Variants in LARGE1 observed in about 807,000 individuals in gnomAD.
LARGE1 encodes LARGE xylosyl- and glucuronyltransferase 1, also known as xylosyl- and glucuronyltransferase LARGE1.
In LARGE1, 43 loss-of-function variants were observed where a neutral mutation model predicts 87.6. That is an observed-to-expected ratio of 0.49 (90% confidence interval 0.38 to 0.63). LARGE1 has a LOEUF of 0.63. Ranked by LOEUF, LARGE1 falls within the 30% of genes least tolerant of loss-of-function variation. LARGE1 has a pLI of 0.00. For synonymous variants in LARGE1, 434 were observed against 394.6 expected (o/e 1.10, Z -1.18); for missense variants, 802 against 1,000.2 (o/e 0.80, Z 2.67).
chr22:33,137,690 T>C, the LARGE1 span, among the ~76,000 whole-genome samples: 1 of 152,080 alleles, frequency 6.6e-6, no homozygotes, highest in Non-Finnish European at 1.5e-5. Flanking sequence ...CCCTGTGCTG[T>C]GTGCAGCCTA....
intron 2 of LARGE1, among the ~76,000 whole-genome samples, chr22:33,720,011 C>A (rs568506162): frequency 1.3e-5 from 2 of 152,088 alleles, no homozygotes; most frequent in Non-Finnish European, 2.9e-5. Flanking sequence ...ACCATTTCTC[C>A]GCAGACAAAG....
chr22:33,761,701 C>G (rs953635581), intron 1 of LARGE1, 143 bp from the exon 2 acceptor site: 10 of 592,286 alleles, frequency 1.7e-5, no homozygotes, highest in Admixed American at 2.9e-5. Flanking sequence ...AGAGATGATG[C>G]TGCCGTCTCG....
At chr22:33,739,392 G>GCAT (rs2083790261) in intron 2 of LARGE1, among the ~76,000 whole-genome samples, 1 of 152,172 alleles carries the variant, frequency 6.6e-6, no homozygotes. Flanking sequence ...ATGAAAAAAG[G>GCAT]CATACTTCTC....
chr22:33,348,280 A>AC lies in LARGE1; in HGVS notation c.1132-10480dup, dbSNP rs11327050. Among the ~76,000 whole-genome samples the AC allele has an allele frequency of 6.5e-3, 659 of 100,920 alleles. 3 individuals carry two copies. The highest frequency in any genetic ancestry group is 0.023 in the Middle Eastern group (5 of 218). The allele number at this position is 100,920 out of a possible 152,430, so 66.2% of individuals were successfully genotyped here. A position where few individuals can be genotyped will look rare whatever the true frequency, so the allele number is the denominator to read the frequency against. On this transcript the variant is annotated intron_variant, in intron 9 of 14. Coordinates refer to ENST00000397394, the MANE Select transcript of LARGE1 (RefSeq NM_133642.5). ...AGACTCTGTCCCCGCTCCCCCACCC[A>AC]CCCCCCCCCAAAAAAAAAGTACTAG...
intron 1 of LARGE1, among the ~76,000 whole-genome samples, chr22:33,880,432 C>A (rs909968789): frequency 6.6e-6 from 1 of 152,192 alleles, no homozygotes; most frequent in African/African-American, 2.4e-5. Context: ...GAAACTGAGG[C>A]TTAATTGAGA....
chr22:33,407,198 G>C (rs573813532), intron 7 of LARGE1, among the ~76,000 whole-genome samples: 8 of 152,274 alleles, frequency 5.3e-5, no homozygotes, highest in African/African-American at 1.9e-4. Context: ...GAGCAGGCTG[G>C]AGTGCAGTGG....
chr22:33,842,787 A>T (rs2063316693), intron 1 of LARGE1, among the ~76,000 whole-genome samples: 1 of 152,196 alleles, frequency 6.6e-6, no homozygotes, highest in East Asian at 1.9e-4. Context: ...ATTTCAACTC[A>T]TTTAAAGTAG....
At chr22:33,195,322 A>T (rs767748792) in intron 11 of LARGE1, among the ~76,000 whole-genome samples, 5 of 152,196 alleles carry the variant, frequency 3.3e-5, no homozygotes, top group Non-Finnish European at 5.9e-5. Flanking sequence ...AACATTATGA[A>T]CTATTCTGAA....
At chr22:33,684,603 GAAC>G (rs1385493543) in intron 2 of LARGE1, among the ~76,000 whole-genome samples, 8 of 152,174 alleles carry the variant, frequency 5.3e-5, no homozygotes, top group African/African-American at 1.7e-4. Flanking sequence ...AGGAAATTGA[GAAC>G]CTAGCTCAGG....
chr22:33,888,488 T>G (rs1277621793), intron 1 of LARGE1, among the ~76,000 whole-genome samples: 1 of 152,136 alleles, frequency 6.6e-6, no homozygotes, highest in African/African-American at 2.4e-5. Context: ...TGATAAAGAA[T>G]ATTTGTATCA....
intron 6 of LARGE1, among the ~76,000 whole-genome samples, chr22:33,528,740 A>T (rs1161492908): frequency 6.6e-5 from 10 of 152,158 alleles, no homozygotes; most frequent in Admixed American, 6.5e-4. Context: ...GAGGGGGCAT[A>T]ACGAGGTATG....
intron 10 of LARGE1, among the ~76,000 whole-genome samples, chr22:33,320,355 T>A (rs139848239): frequency 6.6e-6 from 1 of 152,280 alleles, no homozygotes; most frequent in East Asian, 1.9e-4. Flanking sequence ...ACCTTCCATT[T>A]ACCTTTCAAG....
intron 5 of LARGE1, among the ~76,000 whole-genome samples, chr22:33,570,126 G>A (rs138192411): frequency 1.3e-5 from 2 of 152,226 alleles, no homozygotes; most frequent in Admixed American, 1.3e-4. Flanking sequence ...ACCTCCTTGA[G>A]TCTTAGTTTT....
chr22:33,800,625 T>C (rs188765664), intron 1 of LARGE1, among the ~76,000 whole-genome samples: 64 of 152,290 alleles, frequency 4.2e-4, no homozygotes, highest in African/African-American at 1.4e-3. Flanking sequence ...TGGGAGAAGG[T>C]TGTACAAACA....
chr22:33,198,383 T>A (rs1427385012), intron 11 of LARGE1, among the ~76,000 whole-genome samples: 2 of 152,044 alleles, frequency 1.3e-5, no homozygotes, highest in Non-Finnish European at 2.9e-5. Context: ...TGCAGTATCA[T>A]GATCATAGTT....
chr22:33,801,903 T>G (rs767670374), intron 1 of LARGE1, among the ~76,000 whole-genome samples: 1 of 148,600 alleles, frequency 6.7e-6, no homozygotes, highest in African/African-American at 2.4e-5. Flanking sequence ...TAAAGCTATA[T>G]ACGCACTTAA....
chr22:33,641,351 A>G (rs1200171908), intron 3 of LARGE1, among the ~76,000 whole-genome samples: 2 of 152,180 alleles, frequency 1.3e-5, no homozygotes, highest in African/African-American at 4.8e-5. Context: ...CATCAACATC[A>G]ACAAATAGGA....
intron 1 of LARGE1, among the ~76,000 whole-genome samples, chr22:33,805,879 T>G (rs2086293508): frequency 6.6e-6 from 1 of 152,246 alleles, no homozygotes; most frequent in Non-Finnish European, 1.5e-5. Flanking sequence ...CTATGAACTT[T>G]GTCTAATGCC....
Position 33,611,791 on chromosome 22 carries a change from G to A in LARGE1, c.492-7233C>T, listed in dbSNP as rs182994907. Among the ~76,000 whole-genome samples the A allele has an allele frequency of 6.4e-3, 970 of 152,312 alleles. 2 individuals are homozygous for A. The highest frequency in any genetic ancestry group is 0.01 in the Non-Finnish European group (711 of 68,028). ...CTCATGTTGAAAGGTAATCCCCAGC[G>A]TTGAAGGTGGAGCCTGGTGGAAGAT... On this transcript the variant is annotated intron_variant, in intron 4 of 14. Coordinates refer to ENST00000397394, the MANE Select transcript of LARGE1 (RefSeq NM_133642.5).
Sources: allele counts gnomAD v4.1 joint callset (sites outside exome capture counted in the v4.1 genomes callset), GRCh38; gene constraint gnomAD v4.1.1; transcripts MANE v1.5; gene names NCBI Gene and HGNC (gene_info 2026-07-23, HGNC 2026-07-21).